NRG1: variants seen among roughly 807,000 people sequenced by gnomAD.
NRG1 encodes the protein neuregulin 1, also known as pro-neuregulin-1, membrane-bound isoform.
NRG1 carries 18 observed loss-of-function variants against 63.8 expected under a neutral mutation model. The ratio of observed to expected loss-of-function variants is 0.28; its 90% CI spans 0.19 to 0.42. NRG1 has a LOEUF of 0.42. Ranked by LOEUF, NRG1 falls within the 10% of genes least tolerant of loss-of-function variation. The probability of loss-of-function intolerance (pLI) is 1.00; values close to 1 mark genes in which losing one functional copy is unlikely to be tolerated. For missense variants in NRG1, 762 were observed against 814.7 expected, an observed-to-expected ratio of 0.94 and a Z score of 0.79; for synonymous variants, 302 against 301.3, an observed-to-expected ratio of 1.00 and a Z score of -0.02.
chr8:32,713,935 C>T (rs1818504676), intron 5 of NRG1, among the ~76,000 whole-genome samples: 1 of 151,808 alleles, frequency 6.6e-6, no homozygotes, highest in African/African-American at 2.4e-5. Context: ...AGCAATTCTC[C>T]TGCCTCAGCC....
At chr8:32,237,714 T>C (rs1166856582) in intron 1 of NRG1, among the ~76,000 whole-genome samples, 1 of 152,174 alleles carries the variant, frequency 6.6e-6, no homozygotes, top group Non-Finnish European at 1.5e-5. Context: ...GAAACATCAA[T>C]TGAAACCACA....
At chr8:32,602,790 A>G (rs1657888259) in intron 2 of NRG1, among the ~76,000 whole-genome samples, 2 of 152,058 alleles carry the variant, frequency 1.3e-5, no homozygotes, top group South Asian at 4.2e-4. Context: ...GTGCTTATCC[A>G]TTTTTTTCCT....
intron 1 of NRG1, among the ~76,000 whole-genome samples, chr8:32,129,700 A>T (rs1263841560): frequency 6.6e-6 from 1 of 151,948 alleles, no homozygotes; most frequent in South Asian, 2.1e-4. Context: ...TATGGGTGGA[A>T]AAAGCTTCCC....
At chr8:32,317,004 C>T (rs545210850) in intron 1 of NRG1, among the ~76,000 whole-genome samples, 2 of 152,270 alleles carry the variant, frequency 1.3e-5, no homozygotes, top group South Asian at 4.1e-4. Flanking sequence ...GAAAAGCAGG[C>T]CTCTGGCCTG....
rs533232745 is a variant in NRG1, at chr8:32,438,042, A to G, written c.38-157786A>G. Among the ~76,000 whole-genome samples, 6 of 152,226 alleles carry G rather than the reference A, an allele frequency of 3.9e-5. No individual in the cohort carries two copies. The South Asian group carries it at 1.2e-3, about 32-fold the overall frequency. On this transcript the variant is annotated intron_variant, in intron 1 of 10. Transcript: ENST00000519301. ...AGAAATAATGCAAACAATACTTTTT[A>G]CCCAGTTTCCTCCAATGGTGACATC...
intron 1 of NRG1, among the ~76,000 whole-genome samples, chr8:32,333,459 G>T (rs1481955387): frequency 6.6e-6 from 1 of 152,090 alleles, no homozygotes; most frequent in East Asian, 1.9e-4. Flanking sequence ...GGGCATAATG[G>T]GATCCCTTGA....
At chr8:32,069,246 A>C (rs1345103560) in intron 1 of NRG1, among the ~76,000 whole-genome samples, 1 of 152,228 alleles carries the variant, frequency 6.6e-6, no homozygotes, top group Non-Finnish European at 1.5e-5. Context: ...AAAGAGTAGT[A>C]GATGAATTAT....
rs188519671 is a variant in NRG1, at chr8:32,638,536, T to C, written c.502+21651T>C. On this transcript the variant is annotated intron_variant, in intron 5 of 11. Transcript: ENST00000356819. ...AGAGATATGGTCTCCTTCTGTTGCC[T>C]AGGCTGGTCTCGGACTCCTGGCCTC... Among the ~76,000 whole-genome samples the C allele has an allele frequency of 7.7e-3, 1,175 of 152,304 alleles. 6 individuals carry two copies. The highest frequency in any genetic ancestry group is 0.024 in the Middle Eastern group (7 of 294).
At chr8:31,935,657 C>T (rs1313193354) in intron 1 of NRG1, among the ~76,000 whole-genome samples, 1 of 152,188 alleles carries the variant, frequency 6.6e-6, no homozygotes, top group Non-Finnish European at 1.5e-5. Context: ...AGGAGTGGAA[C>T]CTCCATTTGG....
At chr8:32,556,995 T>A (rs534391991) in intron 1 of NRG1, among the ~76,000 whole-genome samples, 1 of 152,192 alleles carries the variant, frequency 6.6e-6, no homozygotes, top group South Asian at 2.1e-4. Context: ...TAGGCATTGG[T>A]TTTTGTTTTT....
At chr8:32,363,267 G>A (rs1021825106) in intron 1 of NRG1, among the ~76,000 whole-genome samples, 1 of 152,076 alleles carries the variant, frequency 6.6e-6, no homozygotes, top group Non-Finnish European at 1.5e-5. Context: ...CCATCAAATG[G>A]GAAGAACAAT....
chr8:32,581,334 A>C (rs548576726), intron 1 of NRG1, among the ~76,000 whole-genome samples: 1 of 152,254 alleles, frequency 6.6e-6, no homozygotes, highest in Non-Finnish European at 1.5e-5. Context: ...GGAACAGACC[A>C]TATCATGGGC....
chr8:31,885,636 G>C (rs956534717), intron 1 of NRG1, among the ~76,000 whole-genome samples: 1 of 152,080 alleles, frequency 6.6e-6, no homozygotes, highest in African/African-American at 2.4e-5. Context: ...GGAGAAGCAG[G>C]CAACAGTTTT....
intron 1 of NRG1, among the ~76,000 whole-genome samples, chr8:32,151,497 A>T (rs1055112628): frequency 6.6e-6 from 1 of 152,178 alleles, no homozygotes; most frequent in African/African-American, 2.4e-5. Context: ...AGGTGGGGTT[A>T]GGTGTAGAAC....
chr8:31,764,560 C>A (rs1236641071), intron 1 of NRG1, among the ~76,000 whole-genome samples: 2 of 152,078 alleles, frequency 1.3e-5, no homozygotes, highest in African/African-American at 4.8e-5. Context: ...TTTAGCAATT[C>A]TAATTTTTCT....
Position 32,618,497 on chromosome 8 carries a change from T to C in NRG1, c.502+1612T>C, listed in dbSNP as rs376532704. ...ATTATCACTGAGAGAGAAATAATTA[T>C]GAAATCTGACTCCATTCCCTAATTC... On this transcript the variant is annotated intron_variant, in intron 5 of 11. Transcript: ENST00000356819. Among the ~76,000 whole-genome samples the C allele has an allele frequency of 1.1e-4, 17 of 152,326 alleles. No individual in the cohort carries two copies. The East Asian group carries it at 1.9e-3, about 17-fold the overall frequency.
At chr8:32,211,776 G>T (rs1844725909) in intron 1 of NRG1, among the ~76,000 whole-genome samples, 1 of 152,104 alleles carries the variant, frequency 6.6e-6, no homozygotes, top group Non-Finnish European at 1.5e-5. Context: ...CAGCAGGCTT[G>T]AATTTTTGTG....
intron 1 of NRG1, among the ~76,000 whole-genome samples, chr8:32,490,080 G>A (rs573797875): frequency 6.6e-6 from 1 of 152,182 alleles, no homozygotes; most frequent in Non-Finnish European, 1.5e-5. Flanking sequence ...AAGGTAGGAG[G>A]ATATCTTGAG....
At chr8:31,752,035 C>G (rs1265277260) in intron 1 of NRG1, among the ~76,000 whole-genome samples, 1 of 151,868 alleles carries the variant, frequency 6.6e-6, no homozygotes, top group Non-Finnish European at 1.5e-5. Flanking sequence ...GATCTGGACT[C>G]TAGAAGAGAA....
Sources: allele counts gnomAD v4.1 joint callset (sites outside exome capture counted in the v4.1 genomes callset), GRCh38; gene constraint gnomAD v4.1.1; transcripts MANE v1.5; gene names NCBI Gene and HGNC (gene_info 2026-07-23, HGNC 2026-07-21).